The following RRM2 variants were observed in gnomAD, a reference collection of about 807,000 sequenced individuals.
RRM2 encodes the protein ribonucleotide reductase regulatory subunit M2, also known as ribonucleoside-diphosphate reductase subunit M2.
Under a neutral mutation model 45.9 loss-of-function variants are expected in RRM2, and 6 were observed. The observed-to-expected ratio is 0.13, with a 90% confidence interval of 0.07 to 0.26. RRM2 has a LOEUF of 0.26. RRM2 is among the 10% of genes least tolerant of loss of function. The pLI, the probability that RRM2 is intolerant of heterozygous loss-of-function variation, is 1.00. For missense variants in RRM2, 343 were observed against 489.5 expected, an observed-to-expected ratio of 0.70 and a Z score of 2.82; for synonymous variants, 177 against 173.0, an observed-to-expected ratio of 1.02 and a Z score of -0.18.
upstream of RRM2, among the ~76,000 whole-genome samples, chr2:10,140,337 G>A (rs977556460): frequency 2.0e-5 from 3 of 152,220 alleles, no homozygotes; most frequent in Non-Finnish European, 4.4e-5. Flanking sequence ...AAATAGCTTC[G>A]TTGGGGCGCA....
At chr2:10,175,382 C>A (rs1240747418) in intron 3 of RRM2, among the ~76,000 whole-genome samples, 7 of 152,216 alleles carry the variant, frequency 4.6e-5, no homozygotes, top group Non-Finnish European at 8.8e-5. Flanking sequence ...TTAAAATACA[C>A]ATAAACTTTA....
intron 3 of RRM2, among the ~76,000 whole-genome samples, chr2:10,159,534 G>A (rs1454467144): frequency 6.6e-6 from 1 of 152,182 alleles, no homozygotes; most frequent in Non-Finnish European, 1.5e-5. Flanking sequence ...CTTTCCACGA[G>A]GCCCTCACAG....
At chr2:10,184,098 A>AG (rs1664115127) in intron 3 of RRM2, among the ~76,000 whole-genome samples, 1 of 134,214 alleles carries the variant, frequency 7.5e-6, no homozygotes, top group African/African-American at 2.7e-5. Flanking sequence ...ATCTAAAAAA[A>AG]AAAAAAAAAA....
At chr2:10,124,653 A>G (rs1662743769) in intron 4 of RRM2, 64 bp from the exon 5 acceptor site, 1 of 1,584,238 alleles carries the variant, frequency 6.3e-7, no homozygotes, top group African/African-American at 1.3e-5. Flanking sequence ...TGCTGCCAGT[A>G]TCCGTTGACA....
chr2:10,168,040 T>TG (rs1358783195), intron 3 of RRM2, among the ~76,000 whole-genome samples: 4 of 151,388 alleles, frequency 2.6e-5, no homozygotes, highest in Admixed American at 6.6e-5. Context: ...TTTTCTGTTT[T>TG]TTTTTTTTTT....
chr2:10,182,981 C>A (rs777948656), intron 3 of RRM2, among the ~76,000 whole-genome samples: 2 of 152,122 alleles, frequency 1.3e-5, no homozygotes, highest in East Asian at 3.9e-4. Context: ...AGTTGGAGAC[C>A]AGTCTGAGCA....
At position 10,210,333 on chromosome 2, in the gene RRM2, C is replaced by T. The variant is rs967533800; in HGVS notation, n.505C>T. 5.1e-6 allele frequency: 7 copies of T among 1,367,484 alleles called. No individual in the cohort carries two copies. The Admixed American group carries it at 9.5e-5, about 19-fold the overall frequency. The allele number at this position is 1,367,484 out of a possible 1,614,324, so 84.7% of individuals were successfully genotyped here. A position where few individuals can be genotyped will look rare whatever the true frequency, so the allele number is the denominator to read the frequency against. ...CAGTCTTCCAGGATCTCAACCAGTT[C>T]TCTCACTGCAGAGTCTGGAGAAGCC... is the stretch of plus-strand genomic sequence containing the variant. On this transcript the variant is annotated non_coding_transcript_exon_variant, in exon 4 of 4. Coordinates refer to the RRM2 transcript ENST00000381786.
At chr2:10,134,440 A>G (rs533291873), downstream of RRM2, among the ~76,000 whole-genome samples, 1 of 152,240 alleles carries the variant, frequency 6.6e-6, no homozygotes, top group South Asian at 2.1e-4. Flanking sequence ...CTAGACAAAA[A>G]TCCCATTGGC....
intron 3 of RRM2, among the ~76,000 whole-genome samples, chr2:10,191,935 G>C (rs1243595150): frequency 6.6e-6 from 1 of 152,168 alleles, no homozygotes; most frequent in Non-Finnish European, 1.5e-5. Flanking sequence ...CCTCGAATGA[G>C]TCCGTGACCC....
At chr2:10,206,592 CAGA>C (rs1286122704) in intron 3 of RRM2, among the ~76,000 whole-genome samples, 2 of 152,136 alleles carry the variant, frequency 1.3e-5, no homozygotes, top group African/African-American at 2.4e-5. Context: ...ACCGGAGTTC[CAGA>C]AGAAGATAAG....
rs531843113 is a variant in RRM2, at chr2:10,147,830, C to A, written n.482+5455C>A. On this transcript the variant is annotated intron_variant and non_coding_transcript_variant, in intron 3 of 3. Transcript: ENST00000381786. ...ATCTTTTTCTTATTTTTGCCCCCTCCCCCATAAGAAAGATAAAGAAATCAG... is the reference window on the plus strand; with the variant it reads ...ATCTTTTTCTTATTTTTGCCCCCTCACCCATAAGAAAGATAAAGAAATCAG... 2.5e-3 allele frequency among the ~76,000 whole-genome samples: 387 copies of A among 152,058 alleles called. 1 individual carries two copies. Among genetic ancestry groups the A allele is most frequent in the Non-Finnish European group, 4.3e-3 (289 of 67,978 alleles).
chr2:10,132,069 C>T (rs189357888), downstream of RRM2, among the ~76,000 whole-genome samples: 600 of 152,262 alleles, frequency 3.9e-3, 10 homozygotes, highest in African/African-American at 0.014. Context: ...GTCCCTGTGT[C>T]TATAAAGGCC....
chr2:10,139,124 G>A (rs1663038724), upstream of RRM2, among the ~76,000 whole-genome samples: 1 of 151,988 alleles, frequency 6.6e-6, no homozygotes, highest in Non-Finnish European at 1.5e-5. Flanking sequence ...TAAAGGGTGT[G>A]GTTCAGTGGT....
At chr2:10,202,172 A>G (rs1664580404) in intron 3 of RRM2, among the ~76,000 whole-genome samples, 1 of 152,222 alleles carries the variant, frequency 6.6e-6, no homozygotes, top group South Asian at 2.1e-4. Context: ...TCAGCCTTTC[A>G]CAACTAGCCC....
chr2:10,194,330 G>C (rs928606986), intron 3 of RRM2, among the ~76,000 whole-genome samples: 15 of 152,192 alleles, frequency 9.9e-5, no homozygotes, highest in African/African-American at 3.6e-4. Flanking sequence ...TCCACCTCCT[G>C]GTCAGGCTGC....
intron 3 of RRM2, chr2:10,198,640 A>T (rs991406653): frequency 6.6e-6 from 1 of 152,052 alleles, no homozygotes; most frequent in African/African-American, 2.4e-5. Flanking sequence ...TCCTGAGTGT[A>T]AGAGTTGAAG....
chr2:10,199,800 A>AAAAAAAAAAAAAAAAAAAAAAAAAC lies in RRM2; in HGVS notation n.483-10502_483-10501insAAAAAAAAAAAAAAACAAAAAAAAA, dbSNP rs1572534126. 1.0e-4 allele frequency among the ~76,000 whole-genome samples: 10 copies of AAAAAAAAAAAAAAAAAAAAAAAAAC among 97,894 alleles called. 1 individual carries two copies. Among genetic ancestry groups the AAAAAAAAAAAAAAAAAAAAAAAAAC allele is most frequent in the South Asian group, 3.8e-4 (1 of 2,630 alleles). 64.2% of individuals were successfully genotyped at this position (97,894 alleles called of 152,430 possible). A position where few individuals can be genotyped will look rare whatever the true frequency, so the allele number is the denominator to read the frequency against. ...GTCTCAAAAAAAAAAAAAAAAAAAA[A>AAAAAAAAAAAAAAAAAAAAAAAAAC]AAAAAAAAACAAATCATGGTATGAC... On this transcript the variant is annotated intron_variant and non_coding_transcript_variant, in intron 3 of 3. Transcript: ENST00000381786.
chr2:10,188,561 G>A (rs891836426), intron 3 of RRM2, among the ~76,000 whole-genome samples: 9 of 152,162 alleles, frequency 5.9e-5, no homozygotes, highest in East Asian at 1.9e-4. Flanking sequence ...CTCCAAATAC[G>A]TCCTGTTGAG....
intron 3 of RRM2, among the ~76,000 whole-genome samples, chr2:10,200,034 T>C (rs931941110): frequency 6.6e-6 from 1 of 152,134 alleles, no homozygotes; most frequent in African/African-American, 2.4e-5. Flanking sequence ...GGTCTCACCA[T>C]GTTGGCCAGG....
Sources: allele counts gnomAD v4.1 joint callset (sites outside exome capture counted in the v4.1 genomes callset), GRCh38; gene constraint gnomAD v4.1.1; transcripts MANE v1.5; gene names NCBI Gene and HGNC (gene_info 2026-07-23, HGNC 2026-07-21).